ACBD4: variants seen among roughly 807,000 people sequenced by gnomAD.
ACBD4 encodes acyl-CoA binding domain containing 4.
ACBD4 carries 41 observed loss-of-function variants against 46.0 expected under a neutral mutation model. The ratio of observed to expected loss-of-function variants is 0.89; its 90% CI spans 0.69 to 1.16. The LOEUF is 1.16. Among genes scored for constraint, ACBD4 ranks in the 50% most tolerant of loss-of-function variants. The pLI is 0.00. For missense variants in ACBD4, 393 were observed against 399.5 expected (o/e 0.98, Z 0.14); for synonymous variants, 162 against 155.9 (o/e 1.04, Z -0.29).
chr17:45,135,455 G>A (rs578158950), upstream of ACBD4: 1 of 151,010 alleles, frequency 6.6e-6, no homozygotes, highest in South Asian at 2.1e-4. Context: ...CTTTCACTAT[G>A]TGCACCAGGG....
chr17:45,135,166 A>G (rs1038714379), upstream of ACBD4, among the ~76,000 whole-genome samples: 2 of 151,968 alleles, frequency 1.3e-5, no homozygotes, highest in African/African-American at 4.8e-5. Flanking sequence ...GGGTTTCACT[A>G]TGTTGGCCCG....
intron 9 of ACBD4, among the ~76,000 whole-genome samples, chr17:45,140,895 C>G (rs2055227814): frequency 6.6e-6 from 1 of 152,166 alleles, no homozygotes; most frequent in Non-Finnish European, 1.5e-5. Flanking sequence ...CACCTGTAAT[C>G]CCAGCTACTC....
At chr17:45,132,354 G>C, upstream of ACBD4, 3 of 1,231,130 alleles carry the variant, frequency 2.4e-6, no homozygotes, top group Non-Finnish European at 3.0e-6. The surrounding 1 kb of genome is among the most constrained non-coding windows in gnomAD (Gnocchi z 4.6). Flanking sequence ...CGACCTGGGC[G>C]GCCACCGGGG....
At chr17:45,133,174 T>C (rs1459196860), upstream of ACBD4, 5 of 152,140 alleles carry the variant, frequency 3.3e-5, no homozygotes, top group African/African-American at 9.7e-5. Context: ...GCACCCGCGG[T>C]GTAGTTGTCC....
chr17:45,143,710 G>A lies in ACBD4; in HGVS notation c.*139G>A, dbSNP rs777043912. On this transcript the variant is annotated 3_prime_UTR_variant, in exon 10 of 10. Transcript: ENST00000321854. ...CGCACCTCCTCCCCTAAAGCAGCGC[G>A]GGGGGCAAATAAGACCCCACCCCTC... The A allele has an allele frequency of 1.4e-4, 198 of 1,445,198 alleles. No homozygotes were observed. The highest frequency in any genetic ancestry group is 1.7e-4 in the Non-Finnish European group (182 of 1,057,478). 89.5% of individuals were successfully genotyped at this position (1,445,198 alleles called of 1,614,324 possible).
upstream of ACBD4, among the ~76,000 whole-genome samples, chr17:45,131,807 G>A (rs1423638288): frequency 6.6e-6 from 1 of 152,206 alleles, no homozygotes; most frequent in East Asian, 1.9e-4. Flanking sequence ...GCGGCTTGGA[G>A]GGCTGCTGTG....
At chr17:45,138,043 C>T in intron 8 of ACBD4, 55 bp downstream of exon 8, 1 of 1,531,350 alleles carries the variant, frequency 6.5e-7, no homozygotes, top group Non-Finnish European at 8.9e-7. Flanking sequence ...GGTCCTGGCA[C>T]CCCAGGCTTT....
At position 45,136,128 on chromosome 17, in the gene ACBD4, C is replaced by T; in HGVS notation, c.-17C>T. 1.2e-6 allele frequency: 2 copies of T among 1,612,344 alleles called. No individual in the cohort carries two copies. The highest frequency in any genetic ancestry group is 1.7e-6 in the Non-Finnish European group (2 of 1,179,702). ...TGCAGAGTCGCTCAAAAGTAGGGCC[C>T]CAGGGCTCGCAGCAGCATGGGCACC... On this transcript the variant is annotated 5_prime_UTR_variant, in exon 2 of 10. Coordinates refer to ENST00000321854, the MANE Select transcript of ACBD4 (RefSeq NM_001135705.3).
At chr17:45,133,719 G>A (rs2054610943), upstream of ACBD4, among the ~76,000 whole-genome samples, 1 of 151,116 alleles carries the variant, frequency 6.6e-6, no homozygotes. Flanking sequence ...TTTTAGTAGA[G>A]ACGGGGTTTC....
intron 9 of ACBD4, among the ~76,000 whole-genome samples, chr17:45,141,785 T>G (rs1302020897): frequency 6.6e-6 from 1 of 152,218 alleles, no homozygotes; most frequent in Non-Finnish European, 1.5e-5. Context: ...CATGGACCAC[T>G]GGCATGGTTG....
Position 45,139,142 on chromosome 17 carries a change from G to GC in ACBD4, c.775dup (p.Arg259ProfsTer4). On this transcript the variant is annotated frameshift_variant, in exon 9 of 10. Coordinates refer to ENST00000321854, the MANE Select transcript of ACBD4 (RefSeq NM_001135705.3). LOFTEE classifies it high-confidence loss of function. ...CGAGGGTGCAGAGCCTGGAGAGCAT[G>GC]CCCCGGCCCCCTGAGCAGGTAGAGT... The GC allele has an allele frequency of 6.2e-7, 1 of 1,613,650 alleles. No homozygotes were observed. Among genetic ancestry groups the GC allele is most frequent in the Non-Finnish European group, 8.5e-7 (1 of 1,180,014 alleles).
upstream of ACBD4, among the ~76,000 whole-genome samples, chr17:45,132,821 G>A (rs896845291): frequency 6.6e-6 from 1 of 152,182 alleles, no homozygotes; most frequent in African/African-American, 2.4e-5. This position sits in a 1 kb window ranked among gnomAD's most constrained non-coding sequence, Gnocchi z 4.6. Context: ...CCTGACTCGA[G>A]GCTGACGCAG....
At chr17:45,132,508 G>T, upstream of ACBD4, 2 of 696,332 alleles carry the variant, frequency 2.9e-6, no homozygotes, top group South Asian at 6.6e-5. This position sits in a 1 kb window ranked among gnomAD's most constrained non-coding sequence, Gnocchi z 4.6. Context: ...GCGAGGCGGC[G>T]AGCGAAGAAA....
At chr17:45,135,140 AT>A (rs1260398399), upstream of ACBD4, among the ~76,000 whole-genome samples, 2 of 151,868 alleles carry the variant, frequency 1.3e-5, no homozygotes, top group African/African-American at 4.8e-5. Flanking sequence ...TAATTTGTGT[AT>A]TTTTAGTAGA....
At chr17:45,132,495 T>C, upstream of ACBD4, 1 of 820,644 alleles carries the variant, frequency 1.2e-6, no homozygotes, top group African/African-American at 1.9e-5. The surrounding 1 kb of genome is among the most constrained non-coding windows in gnomAD (Gnocchi z 4.6). Context: ...GCCCCGGCTC[T>C]GAGCGAGGCG....
At chr17:45,136,062 C>T (rs2054802708) in intron 1 of ACBD4, 46 bp from the exon 2 acceptor site, 2 of 1,418,716 alleles carry the variant, frequency 1.4e-6, no homozygotes, top group Admixed American at 1.9e-5. Flanking sequence ...CTTATGGTGC[C>T]GGGGGGACCC....
In ACBD4 at chr17:45,135,970, C is replaced by A; in HGVS notation, c.-38+17C>A. On this transcript the variant is annotated intron_variant, in intron 1 of 9. Transcript: ENST00000321854. ...TGCCTTGAGGTAGGAAAAGGAGGCT[C>A]CTCAACCACAACTTCTGACCTCCCA... The A allele has an allele frequency of 1.6e-6, 1 of 631,156 alleles. No homozygotes were observed. The highest frequency in any genetic ancestry group is 2.7e-6 in the Non-Finnish European group (1 of 369,222). 39.1% of individuals were successfully genotyped at this position (631,156 alleles called of 1,614,324 possible).
In ACBD4 at chr17:45,143,492, G is replaced by A; in HGVS notation, c.839G>A (p.Gly280Glu). ...SARPWPLGLP[G>E]PALLFFLLWP... ...CGGCCATGGCCCCTTGGGCTCCCGG[G>A]GCCCGCGCTGCTCTTCTTCCTCCTG... Residue 280 changes from glycine (G) to glutamate (E), a missense_variant, in exon 10 of 10, where the codon GGG (glycine) becomes GAG (glutamate). Gly to Glu is a moderately conservative substitution (Grantham distance 98). Around this residue, in one of 3 missense-constraint regions of ACBD4, gnomAD observed 308 missense variants for 301.8 expected, o/e 1.02. Coordinates refer to ENST00000321854, the MANE Select transcript of ACBD4 (RefSeq NM_001135705.3). 6.2e-7 allele frequency: 1 copy of A among 1,613,592 alleles called. No homozygotes were observed. Among genetic ancestry groups the A allele is most frequent in the Non-Finnish European group, 8.5e-7 (1 of 1,179,968 alleles).
At position 45,143,431 on chromosome 17, in the gene ACBD4, T is replaced by G. The variant is rs2055417224; in HGVS notation, c.790-12T>G. On this transcript the variant is annotated splice_polypyrimidine_tract_variant and intron_variant, in intron 9 of 9. Transcript: ENST00000321854. ...CTGGACTGGCCTCTGACTCCCTCCC[T>G]CTTGGCTGCAGAGGCCGCAGCCCAG... is the stretch of plus-strand genomic sequence containing the variant. 1 of 1,599,886 alleles carries G rather than the reference T, an allele frequency of 6.3e-7. No individual in the cohort carries two copies. Among genetic ancestry groups the G allele is most frequent in the South Asian group, 1.1e-5 (1 of 90,188 alleles).
Sources: allele counts gnomAD v4.1 joint callset (sites outside exome capture counted in the v4.1 genomes callset), GRCh38; gene constraint gnomAD v4.1.1; regional missense constraint gnomAD v4.1.1; non-coding constraint Gnocchi (gnomAD v3.1); transcripts MANE v1.5; gene names NCBI Gene and HGNC (gene_info 2026-07-23, HGNC 2026-07-21).